SOX6: variants seen among roughly 807,000 people sequenced by gnomAD.
SOX6 encodes SRY-box transcription factor 6, also known as transcription factor SOX-6.
A neutral mutation model predicts 97.8 loss-of-function variants in SOX6; 11 were observed. The observed-to-expected ratio is 0.11, with a 90% CI of 0.07 to 0.19. The LOEUF is 0.19. Among genes scored for constraint, SOX6 ranks in the 10% least tolerant of loss-of-function variants. The pLI is 1.00. For missense variants in SOX6, 810 were observed against 1,039.5 expected, an observed-to-expected ratio of 0.78 and a Z score of 3.04; for synonymous variants, 360 against 371.4, an observed-to-expected ratio of 0.97 and a Z score of 0.35.
rs556062815 is a variant in SOX6, at chr11:16,427,779, G to A, written c.-5+48536C>T. Among the ~76,000 whole-genome samples the A allele has an allele frequency of 1.1e-4, 17 of 152,182 alleles. No homozygotes were observed. In the South Asian group the frequency reaches 2.3e-3, roughly 20 times the overall value. ...AGACTTTGCTATTGTGAATAGTGCCGCAATAAACATATGTGTGCATGTGTC... is the reference window on the plus strand; with the variant it reads ...AGACTTTGCTATTGTGAATAGTGCCACAATAAACATATGTGTGCATGTGTC... On this transcript the variant is annotated intron_variant, in intron 1 of 15. Coordinates refer to the SOX6 transcript ENST00000396356.
intron 4 of SOX6, among the ~76,000 whole-genome samples, chr11:16,491,258 A>C (rs758211483): frequency 6.6e-6 from 1 of 152,198 alleles, no homozygotes; most frequent in Non-Finnish European, 1.5e-5. Context: ...GCAAAATGAA[A>C]TTTATAAATA....
chr11:16,538,313 C>A (rs1023959913), intron 4 of SOX6, among the ~76,000 whole-genome samples: 1 of 152,176 alleles, frequency 6.6e-6, no homozygotes, highest in Non-Finnish European at 1.5e-5. Context: ...CTTACAAGAG[C>A]TCCTGAAGGA....
In SOX6 at chr11:16,111,902, G is replaced by A; in HGVS notation, c.799C>T (p.Leu267Phe). 1 of 1,612,396 alleles carries A rather than the reference G, an allele frequency of 6.2e-7. No homozygotes were observed. The highest frequency in any genetic ancestry group is 8.5e-7 in the Non-Finnish European group (1 of 1,179,908). Residue 267 changes from leucine to phenylalanine, a missense_variant, in exon 7 of 16, where the codon CTC becomes TTC. Transcript: ENST00000683767. ...QIQVQGHMPP[L>F]MIPIFPHDQR... ...TCATGTGGAAAAATTGGGATCATGAGCGGAGGCATGTGACCCTGAACCTGC... is the reference window on the plus strand; with the variant it reads ...TCATGTGGAAAAATTGGGATCATGAACGGAGGCATGTGACCCTGAACCTGC...
intron 3 of SOX6, among the ~76,000 whole-genome samples, chr11:16,704,420 A>T (rs558346829): frequency 0.013 from 1,946 of 149,912 alleles, 26 homozygotes; most frequent in South Asian, 0.047. Flanking sequence ...GGCTCTTATT[A>T]AAAAAAAAAG....
chr11:16,456,847 C>G (rs1448657603), intron 1 of SOX6, among the ~76,000 whole-genome samples: 1 of 152,092 alleles, frequency 6.6e-6, no homozygotes, highest in Non-Finnish European at 1.5e-5. Flanking sequence ...TATGCTAGAA[C>G]CACCTTCAAA....
intron 12 of SOX6, among the ~76,000 whole-genome samples, chr11:16,042,799 G>A (rs1251436445): frequency 6.6e-6 from 1 of 152,158 alleles, no homozygotes; most frequent in Non-Finnish European, 1.5e-5. Flanking sequence ...TTTGACACCT[G>A]ATGAGGTCAA....
At chr11:16,363,915 C>T (rs1369520666) in intron 1 of SOX6, among the ~76,000 whole-genome samples, 1 of 152,014 alleles carries the variant, frequency 6.6e-6, no homozygotes, top group Non-Finnish European at 1.5e-5. Context: ...TAACCCATGG[C>T]AGACCTAGCA....
At chr11:16,080,506 A>G (rs191307001) in intron 9 of SOX6, among the ~76,000 whole-genome samples, 2 of 152,294 alleles carry the variant, frequency 1.3e-5, no homozygotes, top group African/African-American at 4.8e-5. Context: ...ACATAGGCAC[A>G]TTATGAAGAC....
At chr11:16,543,571 T>C (rs1054500768) in intron 4 of SOX6, among the ~76,000 whole-genome samples, 2 of 152,086 alleles carry the variant, frequency 1.3e-5, no homozygotes, top group Non-Finnish European at 2.9e-5. Context: ...CTACCTATAA[T>C]ACATAAAGAA....
chr11:16,186,639 G>T (rs1174964716), intron 5 of SOX6, 144 bp downstream of exon 5: 1 of 1,076,150 alleles, frequency 9.3e-7, no homozygotes, highest in Non-Finnish European at 1.3e-6. Flanking sequence ...TTTCCAGAAG[G>T]CTTTGTTTTT....
chr11:16,362,719 G>A (rs182694889), intron 1 of SOX6, among the ~76,000 whole-genome samples: 28 of 152,190 alleles, frequency 1.8e-4, no homozygotes, highest in East Asian at 1.4e-3. Flanking sequence ...GCAGAATTCC[G>A]TGCCACAGAG....
intron 1 of SOX6, among the ~76,000 whole-genome samples, chr11:16,415,553 G>A (rs988241654): frequency 6.6e-6 from 1 of 152,122 alleles, no homozygotes; most frequent in African/African-American, 2.4e-5. Flanking sequence ...CTAGAAGACA[G>A]CATGATTTTG....
At chr11:16,337,829 G>A (rs539406546) in intron 2 of SOX6, among the ~76,000 whole-genome samples, 3 of 152,152 alleles carry the variant, frequency 2.0e-5, no homozygotes, top group African/African-American at 7.2e-5. Context: ...CTTTGCTTAT[G>A]CCATTACAAA....
intron 1 of SOX6, chr11:16,397,482 G>C (rs948008177): frequency 2.6e-5 from 4 of 151,846 alleles, no homozygotes; most frequent in Admixed American, 6.6e-5. Context: ...CCACCCCGCT[G>C]CCTTAACAAT....
At chr11:16,434,248 G>A (rs1487806439) in intron 1 of SOX6, 2 of 151,870 alleles carry the variant, frequency 1.3e-5, no homozygotes, top group Non-Finnish European at 2.9e-5. Context: ...CATGATAAAC[G>A]AACATATGCC....
intron 2 of SOX6, among the ~76,000 whole-genome samples, chr11:16,319,967 T>G (rs1324639854): frequency 6.6e-6 from 1 of 152,108 alleles, no homozygotes; most frequent in Admixed American, 6.6e-5. Flanking sequence ...ATAGAGAAGT[T>G]AGCTAACTGT....
At chr11:16,460,382 A>T (rs1176013826) in intron 1 of SOX6, among the ~76,000 whole-genome samples, 2 of 152,004 alleles carry the variant, frequency 1.3e-5, no homozygotes, top group East Asian at 3.9e-4. Context: ...TCTATTTTGA[A>T]TCCCACCTCA....
intron 12 of SOX6, among the ~76,000 whole-genome samples, chr11:16,036,325 C>T (rs1451151624): frequency 2.0e-5 from 3 of 152,036 alleles, no homozygotes; most frequent in Admixed American, 6.6e-5. Context: ...GTGATCCACC[C>T]GCCTTGGCCT....
intron 15 of SOX6, among the ~76,000 whole-genome samples, chr11:15,984,000 A>AGTT (rs1450300301): frequency 2.0e-5 from 3 of 152,170 alleles, no homozygotes; most frequent in Non-Finnish European, 4.4e-5. Context: ...TAGTAAAGAC[A>AGTT]GTTCCTCAGT....
Sources: gnomAD v4.1 joint callset for allele counts (sites outside exome capture counted in the v4.1 genomes callset) on GRCh38, gnomAD v4.1.1 for gene constraint, MANE v1.5 for transcripts, NCBI Gene and HGNC (gene_info 2026-07-23, HGNC 2026-07-21) for gene names.